Variants in DIABLO observed in about 807,000 individuals in gnomAD.
DIABLO encodes the protein diablo IAP-binding mitochondrial protein.
DIABLO carries 32 observed loss-of-function variants against 31.7 expected under a neutral mutation model. That is an observed-to-expected ratio of 1.01 (90% CI 0.76 to 1.35). The LOEUF (loss-of-function observed/expected upper bound fraction) is 1.35, where lower values mean the gene tolerates loss of function less well. DIABLO is among the 40% of genes most tolerant of loss of function. DIABLO has a pLI of 0.00. For missense variants in DIABLO, 316 were observed against 286.4 expected (o/e 1.10, Z -0.75); for synonymous variants, 132 against 103.2 (o/e 1.28, Z -1.69).
intron 5 of DIABLO, among the ~76,000 whole-genome samples, chr12:122,210,522 A>G (rs1010838642): frequency 3.3e-5 from 5 of 151,654 alleles, no homozygotes; most frequent in South Asian, 2.1e-4. Flanking sequence ...ACAGGTGCCC[A>G]CCACCATGCC....
chr12:122,219,284 CAAATTGAT>C (rs1160574344), intron 2 of DIABLO, among the ~76,000 whole-genome samples: 2 of 151,890 alleles, frequency 1.3e-5, no homozygotes, highest in African/African-American at 4.8e-5. Context: ...TTATAACCAA[CAAATTGAT>C]AAGATTACAA....
chr12:122,219,393 GGAT>G (rs1171946644), intron 2 of DIABLO, among the ~76,000 whole-genome samples: 1 of 152,176 alleles, frequency 6.6e-6, no homozygotes, highest in Non-Finnish European at 1.5e-5. Flanking sequence ...AGAGAGAGCA[GGAT>G]GATGGGCTAA....
chr12:122,226,104 TCGCCCCATAGCCA>T, upstream of DIABLO: 2 of 1,526,062 alleles, frequency 1.3e-6, no homozygotes, highest in Non-Finnish European at 1.8e-6. Flanking sequence ...TGAGAGCGCC[TCGCCCCATAGCCA>T]CGCCCCCACC....
At position 122,216,821 on chromosome 12, in the gene DIABLO, C is replaced by G. The variant is rs763398045; in HGVS notation, c.364G>C (p.Gly122Arg). The G allele has an allele frequency of 2.5e-6, 4 of 1,614,146 alleles. No homozygotes were observed. The highest frequency in any genetic ancestry group is 2.2e-5 in the South Asian group (2 of 91,078). ...SLYRQYTSLL[G>R]KMNSEEEDEV... Reference sequence around the variant, plus strand: ...TCTTCCTCCTCTGAATTCATTTTCCCAAGTAAACTTGTATATTGTCGGTAA... The same window carrying G: ...TCTTCCTCCTCTGAATTCATTTTCCGAAGTAAACTTGTATATTGTCGGTAA... The change falls in exon 4 of 6, where the codon GGG (glycine) becomes CGG (arginine). Residue 122 changes from glycine to arginine, a missense_variant. Coordinates refer to ENST00000464942, the MANE Select transcript of DIABLO (RefSeq NM_001371333.1).
upstream of DIABLO, among the ~76,000 whole-genome samples, chr12:122,226,890 G>A (rs1954490906): frequency 6.6e-6 from 1 of 152,226 alleles, no homozygotes; most frequent in African/African-American, 2.4e-5. Context: ...AATGCTGTGA[G>A]TGCCGCTAAT....
intron 4 of DIABLO, 54 bp downstream of exon 4, chr12:122,216,705 A>G: frequency 6.4e-7 from 1 of 1,563,356 alleles, no homozygotes; most frequent in Non-Finnish European, 8.8e-7. Context: ...AATAATTTAG[A>G]TACCACATGA....
At chr12:122,226,145 T>C (rs777607344), upstream of DIABLO, 6 of 1,375,774 alleles carry the variant, frequency 4.4e-6, no homozygotes, top group East Asian at 2.5e-5. Context: ...GCAGTCGGGA[T>C]TGGGCAGGCA....
chr12:122,224,671 G>A (rs1954409874), intron 1 of DIABLO, 27 bp from the exon 2 acceptor site: 1 of 1,614,116 alleles, frequency 6.2e-7, no homozygotes, highest in East Asian at 2.2e-5. Flanking sequence ...GATTTCATAA[G>A]GCACGACCGC....
At chr12:122,213,989 G>A (rs569202208) in intron 5 of DIABLO, among the ~76,000 whole-genome samples, 28 of 152,206 alleles carry the variant, frequency 1.8e-4, no homozygotes, top group Non-Finnish European at 3.2e-4. Context: ...GGAGGCAGAG[G>A]CAAGAGAATT....
At chr12:122,223,432 T>TA (rs1593181858) in intron 2 of DIABLO, among the ~76,000 whole-genome samples, 1 of 138,878 alleles carries the variant, frequency 7.2e-6, no homozygotes, top group East Asian at 3.1e-4. Context: ...GACTCTGTCT[T>TA]TAAAAAAAAA....
At chr12:122,218,425 C>A (rs761183524) in intron 2 of DIABLO, 28 bp from the exon 3 acceptor site, 1 of 1,613,870 alleles carries the variant, frequency 6.2e-7, no homozygotes, top group South Asian at 1.1e-5. Flanking sequence ...TGTCACTCAA[C>A]CTCTAAAGCT....
At chr12:122,221,349 A>G (rs572928002) in intron 2 of DIABLO, 2 of 152,264 alleles carry the variant, frequency 1.3e-5, no homozygotes, top group East Asian at 3.9e-4. Context: ...AAGAGAAATG[A>G]GACTCACTAG....
intron 2 of DIABLO, among the ~76,000 whole-genome samples, chr12:122,223,423 A>C (rs1954377123): frequency 6.8e-6 from 1 of 146,628 alleles, no homozygotes; most frequent in African/African-American, 2.5e-5. Context: ...ACAGAGTGAG[A>C]CTCTGTCTTT....
chr12:122,222,867 C>T (rs1392628866), intron 2 of DIABLO, among the ~76,000 whole-genome samples: 1 of 152,126 alleles, frequency 6.6e-6, no homozygotes, highest in Non-Finnish European at 1.5e-5. Context: ...CTGCCCACCA[C>T]TCACCTCCTG....
intron 2 of DIABLO, among the ~76,000 whole-genome samples, chr12:122,223,452 T>TA (rs1954379156): frequency 7.2e-6 from 1 of 139,412 alleles, no homozygotes; most frequent in African/African-American, 2.6e-5. Context: ...AAAAAAAAAA[T>TA]ATCTTCTGCG....
At position 122,216,603 on chromosome 12, in the gene DIABLO, GT is replaced by G. The variant is rs1166102964; in HGVS notation, c.427-20del. On this transcript the variant is annotated intron_variant, in intron 4 of 5. Coordinates refer to ENST00000464942, the MANE Select transcript of DIABLO (RefSeq NM_001371333.1). ...AAGTCATCTATATAAATCAAGCAAA[GT>G]GCTTCAGACAGCATAAGAGGTCTAG... 4 of 1,611,800 alleles carry G rather than the reference GT, an allele frequency of 2.5e-6. No homozygotes were observed. The highest frequency in any genetic ancestry group is 3.4e-6 in the Non-Finnish European group (4 of 1,178,050).
At chr12:122,217,021 A>G in intron 3 of DIABLO, 152 bp from the exon 4 acceptor site, 1 of 670,412 alleles carries the variant, frequency 1.5e-6, no homozygotes, top group Non-Finnish European at 2.7e-6. Flanking sequence ...TATCCTATGA[A>G]GTAAAGGTAT....
chr12:122,209,153 A>G (rs7298397), intron 5 of DIABLO, among the ~76,000 whole-genome samples: 71,459 of 151,994 alleles, frequency 0.47, 19,704 homozygotes, highest in African/African-American at 0.76. Context: ...TGAGGGTCAG[A>G]AGTTCGAGAC....
chr12:122,225,604 ACGCT>A (rs1954443408), intron 1 of DIABLO: 6 of 1,220,742 alleles, frequency 4.9e-6, no homozygotes, highest in Non-Finnish European at 6.2e-6. Flanking sequence ...ACGTCTTCAG[ACGCT>A]CGTCTCCCTT....
Sources: allele counts gnomAD v4.1 joint callset (sites outside exome capture counted in the v4.1 genomes callset), GRCh38; gene constraint gnomAD v4.1.1; transcripts MANE v1.5; gene names NCBI Gene and HGNC (gene_info 2026-07-23, HGNC 2026-07-21).